GALNTL6: variants seen among roughly 807,000 people sequenced by gnomAD.
GALNTL6 encodes polypeptide N-acetylgalactosaminyltransferase-like 6.
GALNTL6 carries 46 observed loss-of-function variants against 73.7 expected under a neutral mutation model. The ratio of observed to expected loss-of-function variants is 0.62; its 90% CI spans 0.49 to 0.80. The LOEUF (loss-of-function observed/expected upper bound fraction) is 0.80, where lower values mean the gene tolerates loss of function less well. Among genes scored for constraint, GALNTL6 ranks in the 30% least tolerant of loss-of-function variants. The pLI is 0.00. For synonymous variants in GALNTL6, 259 were observed against 263.7 expected (o/e 0.98, Z 0.17); for missense variants, 604 against 755.0 (o/e 0.80, Z 2.34).
intron 5 of GALNTL6, among the ~76,000 whole-genome samples, chr4:172,613,606 C>T (rs1466753402): frequency 4.7e-5 from 7 of 149,022 alleles, no homozygotes; most frequent in Admixed American, 3.3e-4. Context: ...AAAGGAAAAA[C>T]CTATGATTAA....
intron 3 of GALNTL6, among the ~76,000 whole-genome samples, chr4:172,285,799 C>A (rs1446283177): frequency 4.6e-5 from 7 of 152,210 alleles, no homozygotes; most frequent in African/African-American, 1.7e-4. Context: ...TCTCTCCTCT[C>A]TCCCTTATTC....
intron 5 of GALNTL6, among the ~76,000 whole-genome samples, chr4:172,457,158 A>AT (rs1435489487): frequency 6.6e-6 from 1 of 152,050 alleles, no homozygotes; most frequent in African/African-American, 2.4e-5. Flanking sequence ...ATGCTGAGAG[A>AT]TTTTGTCACC....
At chr4:171,924,732 C>T (rs1737921891) in intron 2 of GALNTL6, among the ~76,000 whole-genome samples, 1 of 152,178 alleles carries the variant, frequency 6.6e-6, no homozygotes, top group Non-Finnish European at 1.5e-5. Context: ...CAGAACATGA[C>T]TAGAAGACAG....
chr4:172,825,665 G>A (rs371051472), intron 7 of GALNTL6, among the ~76,000 whole-genome samples: 1 of 151,946 alleles, frequency 6.6e-6, no homozygotes, highest in East Asian at 1.9e-4. Context: ...TGGTGGATAA[G>A]GTAAAAGTAC....
At chr4:172,176,754 G>A (rs184966879) in intron 2 of GALNTL6, among the ~76,000 whole-genome samples, 23 of 152,092 alleles carry the variant, frequency 1.5e-4, no homozygotes, top group African/African-American at 4.6e-4. Flanking sequence ...GTACCGTGGC[G>A]CTCTGGCCTG....
At chr4:172,127,905 C>A (rs1733348522) in intron 2 of GALNTL6, among the ~76,000 whole-genome samples, 1 of 151,954 alleles carries the variant, frequency 6.6e-6, no homozygotes, top group Admixed American at 6.6e-5. Flanking sequence ...GGGTTTGAGG[C>A]CAGCCTGACC....
chr4:172,246,344 G>A (rs1737658371), intron 3 of GALNTL6, among the ~76,000 whole-genome samples: 1 of 151,908 alleles, frequency 6.6e-6, no homozygotes, highest in Non-Finnish European at 1.5e-5. Flanking sequence ...ATAATCATTG[G>A]GATACCAATA....
chr4:173,039,472 A>G (rs759399087), intron 12 of GALNTL6, among the ~76,000 whole-genome samples: 2 of 151,802 alleles, frequency 1.3e-5, no homozygotes, highest in African/African-American at 4.8e-5. Context: ...TGACTCTTCT[A>G]GTCATTGTGT....
At chr4:172,467,806 T>TTTTTCTTTC (rs1554027321) in intron 5 of GALNTL6, among the ~76,000 whole-genome samples, 3 of 121,798 alleles carry the variant, frequency 2.5e-5, no homozygotes, top group Non-Finnish European at 5.0e-5. Flanking sequence ...GCATTTTACA[T>TTTTTCTTTC]TTTCTTTCTT....
chr4:172,023,659 G>T (rs892644222), intron 2 of GALNTL6, among the ~76,000 whole-genome samples: 7 of 151,506 alleles, frequency 4.6e-5, no homozygotes, highest in Admixed American at 4.0e-4. Context: ...TGTATTTTTG[G>T]CAGGTAGAAC....
chr4:173,009,172 C>G lies in GALNTL6; in HGVS notation c.1372-6C>G. 6.2e-7 allele frequency: 1 copy of G among 1,605,850 alleles called. No individual in the cohort carries two copies. Among genetic ancestry groups the G allele is most frequent in the South Asian group, 1.1e-5 (1 of 90,908 alleles). On this transcript the variant is annotated splice_region_variant and splice_polypyrimidine_tract_variant and intron_variant, in intron 10 of 12. Coordinates refer to ENST00000506823, the MANE Select transcript of GALNTL6 (RefSeq NM_001034845.3). ...CCACACTCAAAATTCTTTCTTCTTT[C>G]CACAGATCCGAAATGTGGCAGCAAA...
intron 5 of GALNTL6, among the ~76,000 whole-genome samples, chr4:172,780,024 A>C (rs561883648): frequency 6.5e-4 from 99 of 152,330 alleles, no homozygotes; most frequent in African/African-American, 2.4e-3. Context: ...ACATTGGTGC[A>C]AAATTAGGCA....
intron 5 of GALNTL6, among the ~76,000 whole-genome samples, chr4:172,504,179 A>AAAAAAAAAAAAAAAAT: frequency 2.3e-5 from 1 of 44,440 alleles, no homozygotes; most frequent in Non-Finnish European, 5.0e-5. Context: ...AAAAAAAAAA[A>AAAAAAAAAAAAAAAAT]CTCACACCTT....
At chr4:172,174,450 C>A (rs182586197) in intron 2 of GALNTL6, among the ~76,000 whole-genome samples, 1 of 152,128 alleles carries the variant, frequency 6.6e-6, no homozygotes, top group East Asian at 1.9e-4. Flanking sequence ...ATGATTCTGG[C>A]TTCACTGGGC....
chr4:172,330,689 A>G (rs907313213), intron 4 of GALNTL6, among the ~76,000 whole-genome samples: 44 of 152,090 alleles, frequency 2.9e-4, no homozygotes, highest in Admixed American at 2.0e-3. Flanking sequence ...TTTTGTGTTA[A>G]GCTTCACTGA....
At chr4:172,620,111 C>A (rs1378253875) in intron 5 of GALNTL6, among the ~76,000 whole-genome samples, 2 of 152,078 alleles carry the variant, frequency 1.3e-5, no homozygotes, top group African/African-American at 4.8e-5. Context: ...AGAAAAGTTG[C>A]CAAGATGGTT....
chr4:172,727,043 T>C (rs1442498154), intron 5 of GALNTL6, among the ~76,000 whole-genome samples: 1 of 152,218 alleles, frequency 6.6e-6, no homozygotes, highest in Non-Finnish European at 1.5e-5. Flanking sequence ...TGGAAAACTA[T>C]AAAATGTGTA....
chr4:172,763,359 T>C (rs1738229382), intron 5 of GALNTL6, among the ~76,000 whole-genome samples: 1 of 152,246 alleles, frequency 6.6e-6, no homozygotes, highest in African/African-American at 2.4e-5. Context: ...CTTAGATTTA[T>C]TTTCTCACTC....
At chr4:172,270,454 G>T (rs756152774) in intron 3 of GALNTL6, among the ~76,000 whole-genome samples, 6 of 152,086 alleles carry the variant, frequency 3.9e-5, no homozygotes, top group Non-Finnish European at 8.8e-5. Context: ...GTATTCTGGG[G>T]ACCTAAGCCA....
Sources: gnomAD v4.1 joint callset for allele counts (sites outside exome capture counted in the v4.1 genomes callset) on GRCh38, gnomAD v4.1.1 for gene constraint, MANE v1.5 for transcripts, NCBI Gene and HGNC (gene_info 2026-07-23, HGNC 2026-07-21) for gene names.